ZDHHC14: variants seen among roughly 807,000 people sequenced by gnomAD.
The protein encoded by ZDHHC14 is palmitoyltransferase ZDHHC14.
Under a neutral mutation model 47.7 loss-of-function variants are expected in ZDHHC14, and 16 were observed. That is an observed-to-expected ratio of 0.34 (90% CI 0.23 to 0.51). The LOEUF is 0.51. Ranked by LOEUF, ZDHHC14 falls within the 20% of genes least tolerant of loss-of-function variation. ZDHHC14 has a pLI of 0.97. For synonymous variants in ZDHHC14, 293 were observed against 278.9 expected, an observed-to-expected ratio of 1.05 and a Z score of -0.50; for missense variants, 515 against 662.5, an observed-to-expected ratio of 0.78 and a Z score of 2.44.
chr6:157,652,567 C>A lies in ZDHHC14; in HGVS notation c.966-958C>A, dbSNP rs899264372. Among the ~76,000 whole-genome samples, 4 of 152,272 alleles carry A rather than the reference C, an allele frequency of 2.6e-5. No individual in the cohort carries two copies. The East Asian group carries it at 7.7e-4, about 29-fold the overall frequency. ...TGGGGAGAAAAAAAAGGCAACTTTACCCCACCTTCTAATGAGCCCAGCACC... is the reference window on the plus strand; with the variant it reads ...TGGGGAGAAAAAAAAGGCAACTTTAACCCACCTTCTAATGAGCCCAGCACC... On this transcript the variant is annotated intron_variant, in intron 7 of 8. Transcript: ENST00000359775.
chr6:157,436,197 C>T (rs954410636), intron 1 of ZDHHC14, among the ~76,000 whole-genome samples: 7 of 152,082 alleles, frequency 4.6e-5, no homozygotes, highest in South Asian at 2.1e-4. Flanking sequence ...TTAATGTTTC[C>T]GATCCTCCTT....
chr6:157,566,953 C>A (rs1467758270), intron 2 of ZDHHC14, among the ~76,000 whole-genome samples: 1 of 151,556 alleles, frequency 6.6e-6, no homozygotes, highest in African/African-American at 2.4e-5. Flanking sequence ...CGGGTTCAAG[C>A]CATTCTCCTG....
chr6:157,518,374 A>G (rs1268630847), intron 1 of ZDHHC14, among the ~76,000 whole-genome samples: 2 of 98,640 alleles, frequency 2.0e-5, no homozygotes, highest in Non-Finnish European at 3.8e-5. Flanking sequence ...TGAGCTCTCC[A>G]GGGGCAATAG....
chr6:157,409,648 T>C (rs888989297), intron 1 of ZDHHC14, among the ~76,000 whole-genome samples: 1 of 152,104 alleles, frequency 6.6e-6, no homozygotes, highest in Admixed American at 6.5e-5. Flanking sequence ...GGAGGTTACA[T>C]TGACTGGATG....
chr6:157,399,465 G>A (rs1006952994), intron 1 of ZDHHC14, among the ~76,000 whole-genome samples: 3 of 152,180 alleles, frequency 2.0e-5, no homozygotes, highest in African/African-American at 7.2e-5. Flanking sequence ...CTTCGGGCGG[G>A]CTTAGGTCTC....
At chr6:157,498,782 G>A (rs573949267) in intron 1 of ZDHHC14, among the ~76,000 whole-genome samples, 43 of 152,302 alleles carry the variant, frequency 2.8e-4, no homozygotes, top group Non-Finnish European at 4.3e-4. Flanking sequence ...TCAGATAAAG[G>A]TGGTAGTATA....
intron 7 of ZDHHC14, among the ~76,000 whole-genome samples, chr6:157,652,469 C>T (rs1341993389): frequency 6.6e-6 from 1 of 152,138 alleles, no homozygotes; most frequent in Non-Finnish European, 1.5e-5. Flanking sequence ...CAGGGATACT[C>T]ACTTATTAGC....
chr6:157,434,410 C>T (rs892441190), intron 1 of ZDHHC14, among the ~76,000 whole-genome samples: 3 of 152,048 alleles, frequency 2.0e-5, no homozygotes, highest in African/African-American at 7.2e-5. Context: ...TGGATGTTTC[C>T]TCTGAGCCCG....
At chr6:157,532,647 C>A (rs1276489259) in intron 1 of ZDHHC14, among the ~76,000 whole-genome samples, 1 of 152,208 alleles carries the variant, frequency 6.6e-6, no homozygotes, top group South Asian at 2.1e-4. Context: ...TTTCTCTAGT[C>A]ACATTCCTCC....
At chr6:157,671,541 C>T (rs1289716220) in intron 8 of ZDHHC14, among the ~76,000 whole-genome samples, 7 of 152,202 alleles carry the variant, frequency 4.6e-5, no homozygotes, top group Non-Finnish European at 8.8e-5. Context: ...TGTTAAGTCT[C>T]TTCTAGCTGT....
At chr6:157,549,240 G>A (rs1019897775) in intron 2 of ZDHHC14, among the ~76,000 whole-genome samples, 2 of 152,218 alleles carry the variant, frequency 1.3e-5, no homozygotes, top group African/African-American at 2.4e-5. Context: ...CTCGAGCTTC[G>A]AAACAGAAAG....
At chr6:157,484,893 A>G (rs1270643668) in intron 1 of ZDHHC14, among the ~76,000 whole-genome samples, 12 of 152,132 alleles carry the variant, frequency 7.9e-5, no homozygotes, top group Admixed American at 7.9e-4. Flanking sequence ...TTTAAAAATA[A>G]TAGCGACCAG....
intron 7 of ZDHHC14, among the ~76,000 whole-genome samples, chr6:157,650,169 A>G (rs1777758072): frequency 6.6e-6 from 1 of 152,254 alleles, no homozygotes; most frequent in South Asian, 2.1e-4. Flanking sequence ...CAGGCAGTGC[A>G]CAGTGAGGTG....
intron 2 of ZDHHC14, among the ~76,000 whole-genome samples, chr6:157,550,283 A>G (rs772376471): frequency 1.3e-5 from 2 of 150,018 alleles, no homozygotes; most frequent in Non-Finnish European, 3.0e-5. Context: ...CAGCATCACA[A>G]GACACGCTAG....
intron 1 of ZDHHC14, among the ~76,000 whole-genome samples, chr6:157,505,275 T>C (rs986258681): frequency 5.9e-5 from 9 of 152,296 alleles, no homozygotes; most frequent in Middle Eastern, 6.8e-3. Flanking sequence ...TAATCTTTAG[T>C]TGGGTGGTAG....
In ZDHHC14 at chr6:157,454,616, G is replaced by A. The variant is rs886506819; in HGVS notation, c.245+72350G>A. Among the ~76,000 whole-genome samples the A allele has an allele frequency of 2.7e-5, 4 of 150,890 alleles. No individual in the cohort carries two copies. The East Asian group carries it at 5.9e-4, about 22-fold the overall frequency. ...CCTTGGCTCAAGTGATTCTCCCACC[G>A]CCTCAGCCTCCCCAAGTGCTGGGAT... On this transcript the variant is annotated intron_variant, in intron 1 of 8. Transcript: ENST00000359775.
Position 157,542,675 on chromosome 6 carries a change from C to T in ZDHHC14, c.336C>T (p.Thr112=), listed in dbSNP as rs779271827. Residue 112 remains threonine (T), a synonymous_variant, in exon 2 of 9, where the codon ACC becomes ACT. Coordinates refer to ENST00000359775, the MANE Select transcript of ZDHHC14 (RefSeq NM_024630.3). Reference sequence around the variant, plus strand: ...TTGTGATGGGGACCCTGCTCCGCACCAGCTTCAGCGACCCCGGAGTCCTCC... The same window carrying T: ...TTGTGATGGGGACCCTGCTCCGCACTAGCTTCAGCGACCCCGGAGTCCTCC... ...FFFVMGTLLR[T]SFSDPGVLPR... is the part of the protein sequence containing the mutation. 2.5e-6 allele frequency: 4 copies of T among 1,614,150 alleles called. No homozygotes were observed. The South Asian group carries it at 4.4e-5, about 18-fold the overall frequency.
chr6:157,447,385 GC>G (rs1778699134), intron 1 of ZDHHC14, among the ~76,000 whole-genome samples: 1 of 152,200 alleles, frequency 6.6e-6, no homozygotes, highest in Non-Finnish European at 1.5e-5. Flanking sequence ...GAAACTCCTT[GC>G]CCAGAAGACC....
chr6:157,429,578 G>A, intron 1 of ZDHHC14, among the ~76,000 whole-genome samples: 1 of 135,078 alleles, frequency 7.4e-6, no homozygotes, highest in Non-Finnish European at 1.6e-5. Context: ...AGGAAGGAAG[G>A]AAGGGAGGGA....
Sources: gnomAD v4.1 joint callset for allele counts (sites outside exome capture counted in the v4.1 genomes callset) on GRCh38, gnomAD v4.1.1 for gene constraint, MANE v1.5 for transcripts, NCBI Gene and HGNC (gene_info 2026-07-23, HGNC 2026-07-21) for gene names.